Variants in FUT8 observed in about 807,000 individuals in gnomAD.
FUT8 encodes alpha-(1,6)-fucosyltransferase.
A neutral mutation model predicts 71.3 loss-of-function variants in FUT8; 29 were observed. That is an observed-to-expected ratio of 0.41 (90% CI 0.30 to 0.55). The LOEUF (loss-of-function observed/expected upper bound fraction) is 0.55, where lower values mean the gene tolerates loss of function less well. Among genes scored for constraint, FUT8 ranks in the 20% least tolerant of loss-of-function variants. The probability of loss-of-function intolerance (pLI) is 0.34; values close to 1 mark genes in which losing one functional copy is unlikely to be tolerated. For synonymous variants in FUT8, 254 were observed against 239.3 expected (o/e 1.06, Z -0.57); for missense variants, 544 against 702.1 (o/e 0.77, Z 2.55).
intron 2 of FUT8, among the ~76,000 whole-genome samples, chr14:65,547,340 G>T (rs1885040704): frequency 6.6e-6 from 1 of 151,524 alleles, no homozygotes; most frequent in Non-Finnish European, 1.5e-5. Flanking sequence ...CTTTAAAACA[G>T]TGTCCTTCCT....
intron 8 of FUT8, among the ~76,000 whole-genome samples, chr14:65,722,401 C>T (rs571702608): frequency 1.8e-4 from 27 of 152,304 alleles, no homozygotes; most frequent in Admixed American, 2.0e-4. Flanking sequence ...ATCCTCCTAC[C>T]TCAGCCTCCC....
chr14:65,721,244 T>TAAA (rs34050977), intron 7 of FUT8, among the ~76,000 whole-genome samples: 3 of 146,858 alleles, frequency 2.0e-5, no homozygotes, highest in African/African-American at 7.5e-5. Flanking sequence ...TCCAATAGAT[T>TAAA]AAAAAAAAAA....
chr14:65,618,410 G>A (rs1051297222), intron 5 of FUT8, among the ~76,000 whole-genome samples: 74 of 151,998 alleles, frequency 4.9e-4, no homozygotes, highest in African/African-American at 1.6e-3. Flanking sequence ...GTTAAATAAT[G>A]GTAGTTCATT....
At chr14:65,533,432 T>G (rs1884085849) in intron 2 of FUT8, among the ~76,000 whole-genome samples, 1 of 152,132 alleles carries the variant, frequency 6.6e-6, no homozygotes, top group African/African-American at 2.4e-5. Context: ...AATGGGACTG[T>G]TTTCCTAATT....
At chr14:65,473,060 C>T (rs1408569298) in intron 2 of FUT8, among the ~76,000 whole-genome samples, 1 of 151,924 alleles carries the variant, frequency 6.6e-6, no homozygotes, top group Non-Finnish European at 1.5e-5. Context: ...CTGTGGTTAC[C>T]ATGTTGGTAT....
chr14:65,487,564 CAAAAAA>C (rs745645710), intron 2 of FUT8, among the ~76,000 whole-genome samples: 1 of 64,456 alleles, frequency 1.6e-5, no homozygotes, highest in South Asian at 5.4e-4. Flanking sequence ...GACTCCGTCT[CAAAAAA>C]AAAAAAAAAA....
chr14:65,588,600 T>C (rs1887516123), intron 3 of FUT8, among the ~76,000 whole-genome samples: 1 of 152,186 alleles, frequency 6.6e-6, no homozygotes, highest in African/African-American at 2.4e-5. Context: ...TTTTTAAAAA[T>C]GAGTTGTGAC....
At chr14:65,363,171 G>T in the FUT8 span, among the ~76,000 whole-genome samples, 1 of 152,086 alleles carries the variant, frequency 6.6e-6, no homozygotes, top group Non-Finnish European at 1.5e-5. Flanking sequence ...TCCTAGGCTG[G>T]TGTACAGTGG....
At chr14:65,387,660 T>G in the FUT8 span, among the ~76,000 whole-genome samples, 1 of 152,196 alleles carries the variant, frequency 6.6e-6, no homozygotes, top group Non-Finnish European at 1.5e-5. Flanking sequence ...TCTGCCAGGC[T>G]TTGTTGGGGT....
At chr14:65,632,550 A>G (rs529397871) in intron 6 of FUT8, among the ~76,000 whole-genome samples, 1 of 152,018 alleles carries the variant, frequency 6.6e-6, no homozygotes, top group South Asian at 2.1e-4. Flanking sequence ...TCATAGCCTT[A>G]GCCCACTTTT....
the FUT8 span, among the ~76,000 whole-genome samples, chr14:65,383,270 T>C: frequency 2.6e-4 from 24 of 91,936 alleles, no homozygotes; most frequent in South Asian, 4.4e-4. Context: ...CTTTTCTTTT[T>C]TTTTTTTTTT....
chr14:65,706,431 AGT>A (rs1015861149), intron 7 of FUT8, among the ~76,000 whole-genome samples: 2 of 152,166 alleles, frequency 1.3e-5, no homozygotes, highest in Non-Finnish European at 2.9e-5. Context: ...GGCAGATAAG[AGT>A]GTTACCTGTC....
At chr14:65,463,521 C>A (rs2065998098) in intron 2 of FUT8, among the ~76,000 whole-genome samples, 2 of 152,164 alleles carry the variant, frequency 1.3e-5, no homozygotes, top group Admixed American at 6.5e-5. Context: ...CCCACCTCAG[C>A]CTCCCAAAGT....
rs1886663479 is a variant in FUT8 at position 65,574,708 on chromosome 14, A to G, written c.203+12942A>G. On this transcript the variant is annotated intron_variant, in intron 3 of 10. Transcript: ENST00000673929. This position sits in a 1 kb window ranked among gnomAD's most constrained non-coding sequence, Gnocchi z 5.2. ...GGGTAGCATTTTTACAGCAATAAGA[A>G]TGCTAATCTGGTTATTAATTGTTAC... 6.6e-6 allele frequency among the ~76,000 whole-genome samples: 1 copy of G among 152,228 alleles called. No homozygotes were observed. The highest frequency in any genetic ancestry group is 2.4e-5 in the African/African-American group (1 of 41,452).
At position 65,599,329 on chromosome 14, in the gene FUT8, C is replaced by T. The variant is rs141040133; in HGVS notation, c.204-16649C>T. Among the ~76,000 whole-genome samples the T allele has an allele frequency of 2.9e-3, 447 of 152,310 alleles. 2 individuals carry two copies. Among genetic ancestry groups the T allele is most frequent in the Middle Eastern group, 0.01 (3 of 294 alleles). ...CATTACCATGTTTCCCCCCATCTCC[C>T]TATACTTCTAACAGTGGTTCACCTC... On this transcript the variant is annotated intron_variant, in intron 3 of 10. Transcript: ENST00000673929.
At chr14:65,487,047 A>G (rs1051250314) in intron 2 of FUT8, among the ~76,000 whole-genome samples, 11 of 152,208 alleles carry the variant, frequency 7.2e-5, no homozygotes, top group African/African-American at 2.7e-4. Context: ...GCCAGAGCAC[A>G]GTTAGACTCT....
At chr14:65,490,319 C>A (rs1428030370) in intron 2 of FUT8, among the ~76,000 whole-genome samples, 1 of 152,026 alleles carries the variant, frequency 6.6e-6, no homozygotes, top group Non-Finnish European at 1.5e-5. Context: ...TTCCCATAAC[C>A]TTTTAGTTCT....
intron 7 of FUT8, among the ~76,000 whole-genome samples, chr14:65,697,800 C>T (rs980236837): frequency 6.6e-6 from 1 of 151,962 alleles, no homozygotes; most frequent in African/African-American, 2.4e-5. Flanking sequence ...ATGGTGAAAC[C>T]CCATTTCTAC....
chr14:65,570,882 G>A (rs927333293), intron 3 of FUT8, among the ~76,000 whole-genome samples: 3 of 152,090 alleles, frequency 2.0e-5, no homozygotes, highest in African/African-American at 7.2e-5. Context: ...CAATAGCTGA[G>A]TCTTGCCCAA....
Sources: allele counts gnomAD v4.1 joint callset (sites outside exome capture counted in the v4.1 genomes callset), GRCh38; gene constraint gnomAD v4.1.1; non-coding constraint Gnocchi (gnomAD v3.1); transcripts MANE v1.5; gene names NCBI Gene and HGNC (gene_info 2026-07-23, HGNC 2026-07-21).